KAZN: variants seen among roughly 807,000 people sequenced by gnomAD.
The protein encoded by KAZN is kazrin.
Under a neutral mutation model 87.4 loss-of-function variants are expected in KAZN, and 40 were observed. The observed-to-expected ratio is 0.46, with a 90% CI of 0.36 to 0.60. The LOEUF (loss-of-function observed/expected upper bound fraction) is 0.60. Ranked by LOEUF, KAZN falls within the 20% of genes least tolerant of loss-of-function variation. The probability of loss-of-function intolerance (pLI) is 0.00; values close to 1 mark genes in which losing one functional copy is unlikely to be tolerated. For synonymous variants in KAZN, 466 were observed against 458.3 expected (o/e 1.02, Z -0.22); for missense variants, 898 against 1,073.9 (o/e 0.84, Z 2.29).
chr1:14,236,110 T>C (rs1483226524), intron 2 of KAZN, among the ~76,000 whole-genome samples: 1 of 115,458 alleles, frequency 8.7e-6, no homozygotes, highest in African/African-American at 2.7e-5. Context: ...CTACTTTTAA[T>C]GATATTTTCT....
intron 1 of KAZN, among the ~76,000 whole-genome samples, chr1:14,707,277 T>C (rs1285334089): frequency 2.0e-5 from 3 of 152,210 alleles, no homozygotes; most frequent in Non-Finnish European, 4.4e-5. Context: ...GTGAGGATGC[T>C]GCATTTGGAG....
At chr1:14,127,232 A>G (rs1644891820) in intron 1 of KAZN, among the ~76,000 whole-genome samples, 1 of 152,254 alleles carries the variant, frequency 6.6e-6, no homozygotes, top group Non-Finnish European at 1.5e-5. Flanking sequence ...TTCATTGTCC[A>G]GATGCAAAAA....
chr1:15,117,602 G>A lies in KAZN; in HGVS notation c.*2967G>A, dbSNP rs990491944. On this transcript the variant is annotated 3_prime_UTR_variant, in exon 15 of 15. Coordinates refer to ENST00000376030, the MANE Select transcript of KAZN (RefSeq NM_201628.3). ...CAGGACAGGGACCCAAAAGCTTGAC[G>A]TCACTGAACAGGGCTGGGTACTGGC... 14 of 152,514 alleles carry A rather than the reference G, an allele frequency of 9.2e-5. No homozygotes were observed. The East Asian group carries it at 1.4e-3, about 15-fold the overall frequency. 9.4% of individuals were successfully genotyped at this position (152,514 alleles called of 1,614,324 possible).
chr1:14,612,834 A>G (rs1344416907), intron 1 of KAZN, among the ~76,000 whole-genome samples: 1 of 152,184 alleles, frequency 6.6e-6, no homozygotes, highest in Non-Finnish European at 1.5e-5. Flanking sequence ...CTGCTGGTTT[A>G]AGGGACTAAC....
At chr1:14,573,495 A>T (rs1674995239) in intron 2 of KAZN, among the ~76,000 whole-genome samples, 1 of 152,066 alleles carries the variant, frequency 6.6e-6, no homozygotes, top group South Asian at 2.1e-4. Context: ...AAAATACAAA[A>T]AATTAGCCGG....
At chr1:14,534,168 T>G (rs532727294) in intron 2 of KAZN, among the ~76,000 whole-genome samples, 4 of 152,180 alleles carry the variant, frequency 2.6e-5, no homozygotes, top group Non-Finnish European at 5.9e-5. Flanking sequence ...ACACTAAGGA[T>G]TCACACAATG....
chr1:14,801,938 C>G (rs1572519241), intron 1 of KAZN, among the ~76,000 whole-genome samples: 1 of 152,082 alleles, frequency 6.6e-6, no homozygotes, highest in East Asian at 2.0e-4. Context: ...CCCGCCTTGG[C>G]CTTCCAAAGT....
intron 1 of KAZN, among the ~76,000 whole-genome samples, chr1:13,997,226 G>T (rs1374627099): frequency 6.6e-6 from 1 of 152,076 alleles, no homozygotes; most frequent in East Asian, 1.9e-4. Flanking sequence ...AGTGTCAGCA[G>T]CCTCAAAGAT....
intron 7 of KAZN, among the ~76,000 whole-genome samples, chr1:15,065,104 TCACCACAACC>T (rs1377006330): frequency 1.5e-5 from 2 of 134,630 alleles, no homozygotes; most frequent in East Asian, 4.6e-4. Flanking sequence ...CGATCCTGGC[TCACCACAACC>T]TCCTCCTGGG....
At chr1:14,640,451 G>A (rs1167149010) in intron 1 of KAZN, among the ~76,000 whole-genome samples, 7 of 152,288 alleles carry the variant, frequency 4.6e-5, no homozygotes, top group Admixed American at 2.6e-4. Flanking sequence ...GGGTATTCAG[G>A]TCCCTAACTG....
intron 2 of KAZN, among the ~76,000 whole-genome samples, chr1:14,581,420 C>T (rs1410969171): frequency 6.6e-6 from 1 of 152,152 alleles, no homozygotes; most frequent in African/African-American, 2.4e-5. Context: ...CTCTACCTCT[C>T]GACTCCATCA....
chr1:14,102,234 TCCAGTG>T (rs201912079), intron 1 of KAZN, among the ~76,000 whole-genome samples: 2,846 of 152,254 alleles, frequency 0.019, 81 homozygotes, highest in South Asian at 0.066. Flanking sequence ...CCACAGGGTC[TCCAGTG>T]CTGAGAGCAA....
chr1:14,996,049 C>A lies in KAZN; in HGVS notation c.418+35174C>A, dbSNP rs905070333. 6.6e-6 allele frequency among the ~76,000 whole-genome samples: 1 copy of A among 152,132 alleles called. No individual in the cohort carries two copies. Among genetic ancestry groups the A allele is most frequent in the Admixed American group, 6.5e-5 (1 of 15,272 alleles). ...CCTAATGCCATCCTCAGCCCGCGGCCCTCTGTAGCCCCCAGCCCCTTCTGC... is the reference window on the plus strand; with the variant it reads ...CCTAATGCCATCCTCAGCCCGCGGCACTCTGTAGCCCCCAGCCCCTTCTGC... On this transcript the variant is annotated intron_variant, in intron 2 of 14. Transcript: ENST00000376030. This position sits in a 1 kb window ranked among gnomAD's most constrained non-coding sequence, Gnocchi z 5.9.
At chr1:13,900,494 T>G (rs1331122740) in intron 1 of KAZN, among the ~76,000 whole-genome samples, 2 of 152,202 alleles carry the variant, frequency 1.3e-5, no homozygotes, top group Admixed American at 1.3e-4. Context: ...TTGCTTATTT[T>G]CTTGAGGAAA....
intron 1 of KAZN, among the ~76,000 whole-genome samples, chr1:14,867,570 G>C (rs1377762072): frequency 6.6e-6 from 1 of 152,106 alleles, no homozygotes; most frequent in Admixed American, 6.5e-5. Flanking sequence ...TCGCAAGGAC[G>C]CCGAGAGGAT....
intron 1 of KAZN, among the ~76,000 whole-genome samples, chr1:14,618,598 G>A (rs901849566): frequency 1.3e-5 from 2 of 152,188 alleles, no homozygotes; most frequent in African/African-American, 4.8e-5. Context: ...TGTTTTATTA[G>A]TAGTCCAATT....
intron 1 of KAZN, among the ~76,000 whole-genome samples, chr1:13,983,652 A>G (rs1638865686): frequency 6.6e-6 from 1 of 152,206 alleles, no homozygotes; most frequent in Non-Finnish European, 1.5e-5. Flanking sequence ...AGTGCCGCCA[A>G]AGTGGGAGCC....
intron 1 of KAZN, among the ~76,000 whole-genome samples, chr1:14,958,785 C>T (rs1383264652): frequency 6.6e-6 from 1 of 152,212 alleles, no homozygotes; most frequent in Non-Finnish European, 1.5e-5. Flanking sequence ...CTGCCCTTGG[C>T]CCCTCCCCTG....
chr1:14,438,114 A>C (rs1666505195), intron 2 of KAZN, among the ~76,000 whole-genome samples: 2 of 145,178 alleles, frequency 1.4e-5, no homozygotes, highest in African/African-American at 5.1e-5. Context: ...AAAAAAAAAG[A>C]TCTGAGCAAC....
Sources: gnomAD v4.1 joint callset for allele counts (sites outside exome capture counted in the v4.1 genomes callset) on GRCh38, gnomAD v4.1.1 for gene constraint, Gnocchi (gnomAD v3.1) non-coding constraint, MANE v1.5 for transcripts, NCBI Gene and HGNC (gene_info 2026-07-23, HGNC 2026-07-21) for gene names.